Variants in TIFAB observed in about 807,000 individuals in gnomAD.
TIFAB encodes TIFA inhibitor, also known as TRAF-interacting protein with FHA domain-containing protein B.
For synonymous variants in TIFAB, 116 were observed against 95.2 expected, an observed-to-expected ratio of 1.22 and a Z score of -1.27; for missense variants, 222 against 203.6, an observed-to-expected ratio of 1.09 and a Z score of -0.55.
In TIFAB at chr5:135,446,563, A is replaced by T. The variant is rs1454121506; in HGVS notation, c.*2891T>A. 6.2e-7 allele frequency: 1 copy of T among 1,613,926 alleles called. No individual in the cohort carries two copies. The highest frequency in any genetic ancestry group is 1.3e-5 in the African/African-American group (1 of 75,008). On this transcript the variant is annotated 3_prime_UTR_variant, in exon 2 of 2. Coordinates refer to ENST00000537858, the MANE Select transcript of TIFAB (RefSeq NM_001099221.2). ...GAGAAAGTGAAGGTGGGTGCCATGG[A>T]TCTGATGATTTCAGTGATTTTCTAC...
rs1769334499 is a variant in TIFAB, at chr5:135,449,790, G to A, written c.150C>T (p.Leu50=). 1.9e-6 allele frequency: 3 copies of A among 1,611,012 alleles called. No individual in the cohort carries two copies. In the East Asian group the frequency reaches 6.7e-5, roughly 36 times the overall value. The part of the protein sequence containing the change: ...RGQDAHLQLQ[L]PRLSRRHLSL... ...ACAGGTGACGGCGGGAGAGGCGAGG[G>A]AGCTGCAGCTGGAGGTGGGCGTCCT... Residue 50 remains leucine, a synonymous_variant, in exon 2 of 2, where the codon CTC becomes CTT. Coordinates refer to ENST00000537858, the MANE Select transcript of TIFAB (RefSeq NM_001099221.2).
At position 135,447,348 on chromosome 5, in the gene TIFAB, G is replaced by A; in HGVS notation, c.*2106C>T. 1.0e-5 allele frequency: 6 copies of A among 577,156 alleles called. No individual in the cohort carries two copies. The highest frequency in any genetic ancestry group is 1.0e-4 in the South Asian group (5 of 48,240). The allele number at this position is 577,156 out of a possible 1,614,324, so 35.8% of individuals were successfully genotyped here. A position where few individuals can be genotyped will look rare whatever the true frequency, so the allele number is the denominator to read the frequency against. ...GAGCACAGGTAAGCCCTTGGGTTCT[G>A]GAGCCAGCTTACTGGGGTGTGAGTC... On this transcript the variant is annotated 3_prime_UTR_variant, in exon 2 of 2. Coordinates refer to ENST00000537858, the MANE Select transcript of TIFAB (RefSeq NM_001099221.2).
intron 1 of TIFAB, among the ~76,000 whole-genome samples, chr5:135,451,587 G>T: frequency 6.6e-6 from 1 of 151,870 alleles, no homozygotes; most frequent in South Asian, 2.1e-4. Context: ...AGGTTCAAGG[G>T]ATTCTCCTGC....
rs1267884699 is a variant in TIFAB, at chr5:135,448,398, G to A, written c.*1056C>T. 2.0e-5 allele frequency: 3 copies of A among 152,002 alleles called. No individual in the cohort carries two copies. The highest frequency in any genetic ancestry group is 7.3e-5 in the African/African-American group (3 of 41,368). The allele number at this position is 152,002 out of a possible 1,614,324, so 9.4% of individuals were successfully genotyped here. On this transcript the variant is annotated 3_prime_UTR_variant, in exon 2 of 2. Transcript: ENST00000537858. Reference sequence around the variant, plus strand: ...CACTCTCCCCTTCTCAGCATGGCGTGGCAAATAGCTGCTGCCCTTGTTCAC... The same window carrying A: ...CACTCTCCCCTTCTCAGCATGGCGTAGCAAATAGCTGCTGCCCTTGTTCAC...
rs2150033369 is a variant in TIFAB at position 135,449,699 on chromosome 5, T to A, written c.241A>T (p.Lys81Ter). Reference sequence around the variant, plus strand: ...AGCCCATTGACCCACACACAGCCCTTGCGGCTCAGGGCCTTGAGGCAGAAG... The same window carrying A: ...AGCCCATTGACCCACACACAGCCCTAGCGGCTCAGGGCCTTGAGGCAGAAG... Reference protein sequence around the residue: ...LAFCLKALSRKGCVWVNGLTL... With the variant: ...LAFCLKALSR Residue 81 changes from lysine (K) to a stop codon, truncating the protein, a stop_gained, in exon 2 of 2, where the codon AAG becomes TAG. Transcript: ENST00000537858. LOFTEE classifies it low-confidence loss of function (END_TRUNC). The A allele has an allele frequency of 1.2e-6, 2 of 1,614,072 alleles. No individual in the cohort carries two copies. Among genetic ancestry groups the A allele is most frequent in the Non-Finnish European group, 1.7e-6 (2 of 1,180,032 alleles).
Position 135,447,154 on chromosome 5 carries a change from A to G in TIFAB, c.*2300T>C. The G allele has an allele frequency of 1.2e-6, 2 of 1,612,968 alleles. No individual in the cohort carries two copies. Among genetic ancestry groups the G allele is most frequent in the Non-Finnish European group, 1.7e-6 (2 of 1,179,346 alleles). ...CAGTGACAGATCACTGCTGCTTTTC[A>G]TCAGACCAAAATACATGTGGCTTCT... On this transcript the variant is annotated 3_prime_UTR_variant, in exon 2 of 2. Coordinates refer to ENST00000537858, the MANE Select transcript of TIFAB (RefSeq NM_001099221.2).
chr5:135,447,042 G>GT lies in TIFAB; in HGVS notation c.*2411dup. ...CCAGCTCCTCTCTCCAGTCTTTGGTGTCCAGGTACAGTCTCCAGGCCGTGG... is the reference window on the plus strand; with the variant it reads ...CCAGCTCCTCTCTCCAGTCTTTGGTGTTCCAGGTACAGTCTCCAGGCCGTGG... On this transcript the variant is annotated 3_prime_UTR_variant, in exon 2 of 2. Coordinates refer to ENST00000537858, the MANE Select transcript of TIFAB (RefSeq NM_001099221.2). 3 of 1,613,884 alleles carry GT rather than the reference G, an allele frequency of 1.9e-6. No individual in the cohort carries two copies. Among genetic ancestry groups the GT allele is most frequent in the Non-Finnish European group, 2.5e-6 (3 of 1,179,900 alleles).
chr5:135,450,596 C>G (rs1018077724), intron 1 of TIFAB: 2 of 152,270 alleles, frequency 1.3e-5, no homozygotes, highest in African/African-American at 4.8e-5. Context: ...TTACTATGGG[C>G]ACTTGCTGGA....
In TIFAB at chr5:135,449,892, C is replaced by T. The variant is rs767281626; in HGVS notation, c.48G>A (p.Thr16=). Residue 16 remains threonine (T), a synonymous_variant, in exon 2 of 2, where the codon ACG becomes ACA. Transcript: ENST00000537858. ...CATTGGCAAAGGCAGATGGGCCCAG[C>T]GTGGGATGGTACAGGCTCACTCGCA... ...TVLRVSLYHP[T]LGPSAFANVP... is the part of the protein sequence containing the mutation. 10 of 1,564,612 alleles carry T rather than the reference C, an allele frequency of 6.4e-6. No individual in the cohort carries two copies. Among genetic ancestry groups the T allele is most frequent in the South Asian group, 1.2e-5 (1 of 82,586 alleles).
At position 135,445,609 on chromosome 5, in the gene TIFAB, G is replaced by C. The variant is rs533216054; in HGVS notation, c.*3845C>G. On this transcript the variant is annotated 3_prime_UTR_variant, in exon 2 of 2. Coordinates refer to ENST00000537858, the MANE Select transcript of TIFAB (RefSeq NM_001099221.2). ...TGTTCAGCTCTGGAAAGGCCACCGG[G>C]AACACAAGAGCCAACAACCCATGGC... is the stretch of plus-strand genomic sequence containing the variant. 1 of 152,358 alleles carries C rather than the reference G, an allele frequency of 6.6e-6. No individual in the cohort carries two copies. Among genetic ancestry groups the C allele is most frequent in the African/African-American group, 2.4e-5 (1 of 41,462 alleles). 9.4% of individuals were successfully genotyped at this position (152,358 alleles called of 1,614,324 possible).
chr5:135,449,857 CGTGGTGG>C lies in TIFAB; in HGVS notation c.76_82del (p.Pro26GlyfsTer51). The C allele has an allele frequency of 6.3e-7, 1 of 1,588,792 alleles. No individual in the cohort carries two copies. Among genetic ancestry groups the C allele is most frequent in the Non-Finnish European group, 8.6e-7 (1 of 1,164,994 alleles). On this transcript the variant is annotated frameshift_variant, in exon 2 of 2. Transcript: ENST00000537858. LOFTEE classifies it low-confidence loss of function (END_TRUNC). ...CAGAGGGCTGGTATCATGCTGCAGC[CGTGGTGG>C]GACATTGGCAAAGGCAGATGGGCCC... is the stretch of plus-strand genomic sequence containing the variant.
chr5:135,447,001 C>A lies in TIFAB; in HGVS notation c.*2453G>T, dbSNP rs762719202. On this transcript the variant is annotated 3_prime_UTR_variant, in exon 2 of 2. Coordinates refer to ENST00000537858, the MANE Select transcript of TIFAB (RefSeq NM_001099221.2). ...GAGCTGGGGAGTGGCACCCTGGGAA[C>A]TCTGGGGTTTCCCCACCAGCTCCTC... The A allele has an allele frequency of 1.9e-6, 3 of 1,613,562 alleles. No individual in the cohort carries two copies. The highest frequency in any genetic ancestry group is 1.1e-5 in the South Asian group (1 of 90,990).
rs1216943845 is a variant in TIFAB, at chr5:135,447,473, C to T, written c.*1981G>A. On this transcript the variant is annotated 3_prime_UTR_variant, in exon 2 of 2. Coordinates refer to ENST00000537858, the MANE Select transcript of TIFAB (RefSeq NM_001099221.2). ...TGCTGGGCACTGATTGAATGCTTTA[C>T]AGGTGTCACCTTCTAAGACCCTCGT... 2 of 254,192 alleles carry T rather than the reference C, an allele frequency of 7.9e-6. No homozygotes were observed. Among genetic ancestry groups the T allele is most frequent in the Non-Finnish European group, 1.5e-5 (2 of 133,232 alleles). The allele number at this position is 254,192 out of a possible 1,614,324, so 15.7% of individuals were successfully genotyped here. A position where few individuals can be genotyped will look rare whatever the true frequency, so the allele number is the denominator to read the frequency against.
intron 1 of TIFAB, chr5:135,450,652 AC>A (rs1391267924): frequency 2.0e-4 from 30 of 152,390 alleles, no homozygotes; most frequent in African/African-American, 7.0e-4. Context: ...GGTTTGAGGA[AC>A]ACAAACTCTG....
rs115965482 is a variant in TIFAB, at chr5:135,447,291, G to A, written c.*2163C>T. ...CTCCCTGTTGCCTACCAGGTCCGTG[G>A]CTACAACTAAATCCCTAGTTGGGGA... On this transcript the variant is annotated 3_prime_UTR_variant, in exon 2 of 2. Transcript: ENST00000537858. 1.4e-6 allele frequency: 1 copy of A among 709,338 alleles called. No individual in the cohort carries two copies. The highest frequency in any genetic ancestry group is 2.4e-6 in the Non-Finnish European group (1 of 422,608). The allele number at this position is 709,338 out of a possible 1,614,324, so 43.9% of individuals were successfully genotyped here. A position where few individuals can be genotyped will look rare whatever the true frequency, so the allele number is the denominator to read the frequency against.
rs1441084824 is a variant in TIFAB at position 135,448,083 on chromosome 5, A to G, written c.*1371T>C. 6.6e-6 allele frequency: 1 copy of G among 152,102 alleles called. No homozygotes were observed. Among genetic ancestry groups the G allele is most frequent in the African/African-American group, 2.4e-5 (1 of 41,414 alleles). The allele number at this position is 152,102 out of a possible 1,614,324, so 9.4% of individuals were successfully genotyped here. ...ATCCCTATTGGAGAGGAAGCTTCCC[A>G]CACCAGGGCAAGCCTGGGTCTTGCC... On this transcript the variant is annotated 3_prime_UTR_variant, in exon 2 of 2. Transcript: ENST00000537858.
intron 1 of TIFAB, among the ~76,000 whole-genome samples, chr5:135,451,825 G>T (rs1239855242): frequency 6.6e-6 from 1 of 152,206 alleles, no homozygotes. Flanking sequence ...GCTGAGCCCA[G>T]GACAGGTGGG....
rs1406067021 is a variant in TIFAB, at chr5:135,447,361, TG to T, written c.*2092del. Reference sequence around the variant, plus strand: ...CCCTTGGGTTCTGGAGCCAGCTTACTGGGGTGTGAGTCTTCCTTAGCTCCGT... The same window carrying T: ...CCCTTGGGTTCTGGAGCCAGCTTACTGGGTGTGAGTCTTCCTTAGCTCCGT... On this transcript the variant is annotated 3_prime_UTR_variant, in exon 2 of 2. Transcript: ENST00000537858. The T allele has an allele frequency of 3.6e-6, 2 of 558,638 alleles. No individual in the cohort carries two copies. The highest frequency in any genetic ancestry group is 6.7e-5 in the Admixed American group (2 of 30,046). 34.6% of individuals were successfully genotyped at this position (558,638 alleles called of 1,614,324 possible).
Position 135,448,183 on chromosome 5 carries a change from G to A in TIFAB, c.*1271C>T, listed in dbSNP as rs1256771348. On this transcript the variant is annotated 3_prime_UTR_variant, in exon 2 of 2. Coordinates refer to ENST00000537858, the MANE Select transcript of TIFAB (RefSeq NM_001099221.2). ...TGGACCTCCTTGTAGCTTGCCCTGG[G>A]TGCAAAACGATCATCCTTTTGGGCA... The A allele has an allele frequency of 1.3e-5, 2 of 152,124 alleles. No individual in the cohort carries two copies. Among genetic ancestry groups the A allele is most frequent in the Non-Finnish European group, 2.9e-5 (2 of 68,042 alleles). The allele number at this position is 152,124 out of a possible 1,614,324, so 9.4% of individuals were successfully genotyped here. A position where few individuals can be genotyped will look rare whatever the true frequency, so the allele number is the denominator to read the frequency against.
Sources: allele counts gnomAD v4.1 joint callset (sites outside exome capture counted in the v4.1 genomes callset), GRCh38; gene constraint gnomAD v4.1.1; transcripts MANE v1.5; gene names NCBI Gene and HGNC (gene_info 2026-07-23, HGNC 2026-07-21).